The following ZNF846 variants were observed in gnomAD, a reference collection of about 807,000 sequenced individuals.
ZNF846 encodes the protein zinc finger protein 420 pseudogene.
A neutral mutation model predicts 16.0 loss-of-function variants in ZNF846; 15 were observed. That is an observed-to-expected ratio of 0.94 (90% CI 0.63 to 1.45). The LOEUF (loss-of-function observed/expected upper bound fraction) is 1.45, where lower values mean the gene tolerates loss of function less well. ZNF846 is among the 40% of genes most tolerant of loss of function. The probability of loss-of-function intolerance (pLI) is 0.00; values close to 1 mark genes in which losing one functional copy is unlikely to be tolerated. For missense variants in ZNF846, 714 were observed against 622.3 expected (o/e 1.15, Z -1.57); for synonymous variants, 229 against 212.0 (o/e 1.08, Z -0.70).
chr19:9,751,067 GCTT>G (rs2045079980), downstream of ZNF846, among the ~76,000 whole-genome samples: 2 of 152,074 alleles, frequency 1.3e-5, no homozygotes. Context: ...GGGTATCCTG[GCTT>G]CTTCCAATCG....
chr19:9,765,906 T>TTAAA (rs139834120), intron 1 of ZNF846, among the ~76,000 whole-genome samples: 1 of 151,650 alleles, frequency 6.6e-6, no homozygotes, highest in Non-Finnish European at 1.5e-5. Context: ...AGTCTCTTTA[T>TTAAA]TAAATAAATA....
chr19:9,768,510 G>A (rs778320049), exon 1 of ZNF846: 2 of 152,282 alleles, frequency 1.3e-5, no homozygotes, highest in African/African-American at 2.4e-5. Flanking sequence ...CAGAAGAGAA[G>A]GCGGGAACCC....
intron 1 of ZNF846, chr19:9,775,049 G>C (rs2045424784): frequency 8.5e-7 from 1 of 1,179,178 alleles, no homozygotes; most frequent in Non-Finnish European, 1.2e-6. Context: ...TGTGGAAATT[G>C]ACACGTGCCA....
chr19:9,773,936 T>C (rs904435936), intron 1 of ZNF846, among the ~76,000 whole-genome samples: 4 of 152,144 alleles, frequency 2.6e-5, no homozygotes, highest in African/African-American at 9.7e-5. Context: ...TAAAAACCAA[T>C]GGCATTCATC....
exon 6 of ZNF846, chr19:9,752,345 C>A (rs10410628): frequency 2.3e-5 from 5 of 221,918 alleles, no homozygotes; most frequent in Non-Finnish European, 4.9e-5. Context: ...TGGTGGCTCA[C>A]GTCCATAATC....
chr19:9,776,731 C>G (rs2045447727), intron 1 of ZNF846, among the ~76,000 whole-genome samples: 1 of 152,160 alleles, frequency 6.6e-6, no homozygotes, highest in Non-Finnish European at 1.5e-5. Flanking sequence ...TCGCCACACA[C>G]AGGGAGAAGC....
At chr19:9,760,442 T>A (rs1181812331) in intron 4 of ZNF846, among the ~76,000 whole-genome samples, 1 of 151,506 alleles carries the variant, frequency 6.6e-6, no homozygotes, top group East Asian at 1.9e-4. Flanking sequence ...GGTTCATGCC[T>A]ATAATCCCAG....
At chr19:9,769,918 T>C (rs917766659), upstream of ZNF846, among the ~76,000 whole-genome samples, 2 of 151,106 alleles carry the variant, frequency 1.3e-5, no homozygotes, top group African/African-American at 4.9e-5. Context: ...GAGACTGAGG[T>C]TGCAGTGAGC....
chr19:9,780,993 C>T (rs1026121584), intron 1 of ZNF846, among the ~76,000 whole-genome samples: 1 of 152,188 alleles, frequency 6.6e-6, no homozygotes, highest in Admixed American at 6.6e-5. Flanking sequence ...GTTTCCAGGA[C>T]ATTCTATAAG....
chr19:9,751,068 C>A (rs1039303922), downstream of ZNF846, among the ~76,000 whole-genome samples: 1 of 152,162 alleles, frequency 6.6e-6, no homozygotes, highest in Non-Finnish European at 1.5e-5. Context: ...GGTATCCTGG[C>A]TTCTTCCAAT....
At chr19:9,776,298 G>T (rs1055662668) in intron 1 of ZNF846, among the ~76,000 whole-genome samples, 6 of 152,118 alleles carry the variant, frequency 3.9e-5, no homozygotes, top group Non-Finnish European at 7.3e-5. Context: ...AGGCCCAACC[G>T]TCTCCCTGTG....
rs1252766092 is a variant in ZNF846 at position 9,759,774 on chromosome 19, G to A, written c.312+86C>T. ...ATCTCTTCAGACTTTGTTTTCTCTG[G>A]GTAAATGCCATTTTCCTCATATAAT... is the stretch of plus-strand genomic sequence containing the variant. On this transcript the variant is annotated intron_variant, in intron 5 of 5. Transcript: ENST00000397902. The A allele has an allele frequency of 6.8e-6, 7 of 1,034,532 alleles. No individual in the cohort carries two copies. In the Admixed American group the frequency reaches 1.5e-4, roughly 22 times the overall value. The allele number at this position is 1,034,532 out of a possible 1,614,324, so 64.1% of individuals were successfully genotyped here. A position where few individuals can be genotyped will look rare whatever the true frequency, so the allele number is the denominator to read the frequency against.
At chr19:9,758,520 G>A in exon 6 of ZNF846, 1 of 1,613,462 alleles carries the variant, frequency 6.2e-7, no homozygotes, top group Non-Finnish European at 8.5e-7. Flanking sequence ...ATTCTGCCTA[G>A]TAAGATTTGG....
downstream of ZNF846, among the ~76,000 whole-genome samples, chr19:9,757,194 C>T (rs1361758405): frequency 7.8e-6 from 1 of 128,450 alleles, no homozygotes; most frequent in Non-Finnish European, 1.7e-5. Context: ...GACTCTGTCT[C>T]AAAAAAAAAA....
rs921844740 is a variant in ZNF846, at chr19:9,784,978, T to C, written c.-86+960A>G. Among the ~76,000 whole-genome samples the C allele has an allele frequency of 2.0e-5, 3 of 152,324 alleles. No homozygotes were observed. In the East Asian group the frequency reaches 5.8e-4, roughly 29 times the overall value. On this transcript the variant is annotated intron_variant, in intron 1 of 4. Transcript: ENST00000586814. ...TAAGTACAGATCAAAATGGAGTTTC[T>C]TGTGTCTTCCTTTTTCTACATAGAC...
At chr19:9,778,576 G>A (rs1046238679) in intron 1 of ZNF846, among the ~76,000 whole-genome samples, 2 of 152,108 alleles carry the variant, frequency 1.3e-5, no homozygotes, top group Non-Finnish European at 2.9e-5. Flanking sequence ...AGGCCAAGGC[G>A]GATGGATCAC....
chr19:9,777,991 G>C (rs542425477), intron 1 of ZNF846, among the ~76,000 whole-genome samples: 19 of 152,240 alleles, frequency 1.2e-4, no homozygotes, highest in African/African-American at 4.3e-4. Flanking sequence ...CAGAGTTACA[G>C]TATTATCAGA....
At chr19:9,756,345 G>GTATGTA (rs1555711381), downstream of ZNF846, 8 of 81,772 alleles carry the variant, frequency 9.8e-5, no homozygotes, top group South Asian at 3.7e-3. Context: ...GTGTGTGTGT[G>GTATGTA]TATATATATA....
At chr19:9,763,612 T>C (rs1258213334) in intron 2 of ZNF846, among the ~76,000 whole-genome samples, 1 of 152,228 alleles carries the variant, frequency 6.6e-6, no homozygotes, top group African/African-American at 2.4e-5. Flanking sequence ...AAACTGATCT[T>C]CCTACAGCTT....
Sources: gnomAD v4.1 joint callset for allele counts (sites outside exome capture counted in the v4.1 genomes callset) on GRCh38, gnomAD v4.1.1 for gene constraint, MANE v1.5 for transcripts, NCBI Gene and HGNC (gene_info 2026-07-23, HGNC 2026-07-21) for gene names.